Variants in GRIN2B observed in about 807,000 individuals in gnomAD.
The protein encoded by GRIN2B is glutamate ionotropic receptor NMDA type subunit 2B.
Under a neutral mutation model 114.5 loss-of-function variants are expected in GRIN2B, and 5 were observed. The observed-to-expected ratio is 0.04, with a 90% CI of 0.02 to 0.09. The LOEUF (loss-of-function observed/expected upper bound fraction) is 0.09. GRIN2B is among the 10% of genes least tolerant of loss of function. The probability of loss-of-function intolerance (pLI) is 1.00; values close to 1 mark genes in which losing one functional copy is unlikely to be tolerated. For missense variants in GRIN2B, 1,108 were observed against 1,943.5 expected, an observed-to-expected ratio of 0.57 and a Z score of 8.08; for synonymous variants, 787 against 745.1, an observed-to-expected ratio of 1.06 and a Z score of -0.92.
At chr12:13,665,190 T>TGA (rs1424134907) in intron 5 of GRIN2B, among the ~76,000 whole-genome samples, 1 of 137,616 alleles carries the variant, frequency 7.3e-6, no homozygotes, top group African/African-American at 2.7e-5. Flanking sequence ...TGTGTGTGTG[T>TGA]GATAACAGGA....
chr12:13,779,246 G>A (rs146737916), intron 3 of GRIN2B, among the ~76,000 whole-genome samples: 334 of 152,192 alleles, frequency 2.2e-3, no homozygotes, highest in Non-Finnish European at 4.0e-3. Context: ...GTTTCACCAC[G>A]TTGTCCAGGC....
chr12:13,648,068 G>A (rs377008148), intron 5 of GRIN2B, among the ~76,000 whole-genome samples: 1 of 152,064 alleles, frequency 6.6e-6, no homozygotes, highest in Non-Finnish European at 1.5e-5. Context: ...AAATTGGACT[G>A]TATTATATAT....
chr12:13,867,212 C>A (rs1257550428), intron 2 of GRIN2B, among the ~76,000 whole-genome samples: 4 of 152,254 alleles, frequency 2.6e-5, no homozygotes, highest in Non-Finnish European at 1.5e-5. Context: ...TCGTGACTTC[C>A]CTAAAATGAC....
rs553350548 is a variant in GRIN2B at position 13,856,425 on chromosome 12, G to A, written c.411+9373C>T. ...AGAATCATAGGTAAGCTTCCATGTG[G>A]CAGCACAGACAAGAGAGAATGAGTG... On this transcript the variant is annotated intron_variant, in intron 3 of 13. Coordinates refer to ENST00000609686, the MANE Select transcript of GRIN2B (RefSeq NM_000834.5). Among the ~76,000 whole-genome samples the A allele has an allele frequency of 1.8e-4, 27 of 152,198 alleles. 1 individual carries two copies. The highest frequency in any genetic ancestry group is 1.2e-3 in the Admixed American group (19 of 15,288).
chr12:13,972,517 A>AC lies in GRIN2B; in HGVS notation c.-19+7410_-19+7411insG, dbSNP rs1411553842. 1.1e-4 allele frequency among the ~76,000 whole-genome samples: 4 copies of AC among 36,570 alleles called. No homozygotes were observed. In the East Asian group the frequency reaches 3.0e-3, roughly 27 times the overall value. 24.0% of individuals were successfully genotyped at this position (36,570 alleles called of 152,430 possible). On this transcript the variant is annotated intron_variant, in intron 2 of 13. Coordinates refer to ENST00000609686, the MANE Select transcript of GRIN2B (RefSeq NM_000834.5). Reference sequence around the variant, plus strand: ...TAACATTTTTAAAGACCCATTACATATAAGAGAGAACTCCGGACTCTGATG... The same window carrying AC: ...TAACATTTTTAAAGACCCATTACATACTAAGAGAGAACTCCGGACTCTGATG...
chr12:13,631,409 T>G (rs1949614801), intron 5 of GRIN2B, among the ~76,000 whole-genome samples: 1 of 152,090 alleles, frequency 6.6e-6, no homozygotes, highest in Non-Finnish European at 1.5e-5. Context: ...CAAAATACCC[T>G]CATATAGGTT....
At position 13,538,828 on chromosome 12, in the gene GRIN2B, A is replaced by C. The variant is rs1043108458; in HGVS notation, c.*23955T>G. 6.9e-6 allele frequency: 1 copy of C among 145,976 alleles called. No homozygotes were observed. 9.0% of individuals were successfully genotyped at this position (145,976 alleles called of 1,614,324 possible). On this transcript the variant is annotated 3_prime_UTR_variant, in exon 14 of 14. Coordinates refer to ENST00000609686, the MANE Select transcript of GRIN2B (RefSeq NM_000834.5). ...AGACCCTCTTAAAAAACAAACAAACAAAAAAAAAACAAACAAAAAAACAAA... is the reference window on the plus strand; with the variant it reads ...AGACCCTCTTAAAAAACAAACAAACCAAAAAAAAACAAACAAAAAAACAAA...
intron 10 of GRIN2B, among the ~76,000 whole-genome samples, chr12:13,596,948 A>T (rs551732280): frequency 1.5e-4 from 23 of 152,278 alleles, no homozygotes; most frequent in African/African-American, 5.3e-4. Context: ...ATGCCTCTAG[A>T]AGCATGCCCT....
chr12:13,891,397 A>G (rs996603100), intron 2 of GRIN2B, among the ~76,000 whole-genome samples: 10 of 152,126 alleles, frequency 6.6e-5, no homozygotes, highest in Non-Finnish European at 5.9e-5. Flanking sequence ...TGAAAAAATT[A>G]CAGGCTCCAC....
rs138210346 is a variant in GRIN2B at position 13,787,123 on chromosome 12, CTG to C, written c.412-33210_412-33209del. On this transcript the variant is annotated intron_variant, in intron 3 of 13. Coordinates refer to ENST00000609686, the MANE Select transcript of GRIN2B (RefSeq NM_000834.5). ...TTAAGGCCTATTAAAATAGGCATAA[CTG>C]TTAACTAGATGAAATGCAGGATCAT... 3.8e-3 allele frequency among the ~76,000 whole-genome samples: 576 copies of C among 152,284 alleles called. 3 individuals carry two copies. Among genetic ancestry groups the C allele is most frequent in the African/African-American group, 0.013 (542 of 41,566 alleles).
At chr12:13,838,754 G>A (rs1442623244) in intron 3 of GRIN2B, among the ~76,000 whole-genome samples, 1 of 152,228 alleles carries the variant, frequency 6.6e-6, no homozygotes, top group Non-Finnish European at 1.5e-5. Context: ...CGAGGAAGGG[G>A]AGTGGATGGA....
At chr12:13,709,786 T>C (rs1950397196) in intron 4 of GRIN2B, among the ~76,000 whole-genome samples, 1 of 152,018 alleles carries the variant, frequency 6.6e-6, no homozygotes, top group Non-Finnish European at 1.5e-5. Flanking sequence ...TTTCCTATAT[T>C]ACATTCCCAC....
chr12:13,713,903 A>AAAG (rs1427302213), intron 4 of GRIN2B, among the ~76,000 whole-genome samples: 1 of 151,828 alleles, frequency 6.6e-6, no homozygotes, highest in Non-Finnish European at 1.5e-5. Flanking sequence ...AGTGTTTTGT[A>AAAG]AAGATTTTTT....
At chr12:13,713,567 T>C (rs1374445031) in intron 4 of GRIN2B, among the ~76,000 whole-genome samples, 1 of 151,956 alleles carries the variant, frequency 6.6e-6, no homozygotes, top group African/African-American at 2.4e-5. Context: ...GCCATCAGTG[T>C]TGGTAAGACG....
intron 3 of GRIN2B, among the ~76,000 whole-genome samples, chr12:13,776,374 C>T (rs533216515): frequency 3.3e-5 from 5 of 152,074 alleles, no homozygotes; most frequent in African/African-American, 7.2e-5. Flanking sequence ...CCATGGCACA[C>T]GTTCACCTAT....
chr12:13,837,903 G>GCC (rs1340003309), intron 3 of GRIN2B, among the ~76,000 whole-genome samples: 4 of 152,140 alleles, frequency 2.6e-5, no homozygotes, highest in African/African-American at 9.7e-5. Context: ...CTACCTCCCT[G>GCC]CCTCCCTAGG....
chr12:13,613,347 T>A (rs1031390373), intron 8 of GRIN2B, among the ~76,000 whole-genome samples: 15 of 152,232 alleles, frequency 9.9e-5, no homozygotes, highest in African/African-American at 3.6e-4. Flanking sequence ...ATTTAGAAAC[T>A]ACTTTTACCA....
chr12:13,589,351 G>A (rs962401026), intron 10 of GRIN2B, among the ~76,000 whole-genome samples: 2 of 152,178 alleles, frequency 1.3e-5, no homozygotes, highest in African/African-American at 2.4e-5. Flanking sequence ...GGGCTTACAA[G>A]GTGATTGAGG....
rs145080218 is a variant in GRIN2B, at chr12:13,616,562, G to A, written c.1221C>T (p.Ser407=). ...ATGGTGCCTCCTCCAGGGTCACAAT[G>A]CTCAGATGGTCATCCTCCTGCTCTT... ...ETEEQEDDHL[S]IVTLEEAPFV... Residue 407 remains serine, a synonymous_variant, in exon 6 of 14, where the codon AGC becomes AGT. Coordinates refer to ENST00000609686, the MANE Select transcript of GRIN2B (RefSeq NM_000834.5). The A allele has an allele frequency of 1.1e-5, 17 of 1,613,626 alleles. No homozygotes were observed. The African/African-American group carries it at 2.3e-4, about 22-fold the overall frequency.
Sources: gnomAD v4.1 joint callset for allele counts (sites outside exome capture counted in the v4.1 genomes callset) on GRCh38, gnomAD v4.1.1 for gene constraint, MANE v1.5 for transcripts, NCBI Gene and HGNC (gene_info 2026-07-23, HGNC 2026-07-21) for gene names.